The following CASC3 variants were observed in gnomAD, a reference collection of about 807,000 sequenced individuals.
CASC3 encodes CASC3 exon junction complex subunit.
A neutral mutation model predicts 80.5 loss-of-function variants in CASC3; 30 were observed. That is an observed-to-expected ratio of 0.37 (90% CI 0.28 to 0.51). CASC3 has a LOEUF of 0.51. CASC3 is among the 20% of genes least tolerant of loss of function. The probability of loss-of-function intolerance (pLI) is 0.94; values close to 1 mark genes in which losing one functional copy is unlikely to be tolerated. For missense variants in CASC3, 824 were observed against 922.2 expected, an observed-to-expected ratio of 0.89 and a Z score of 1.38; for synonymous variants, 312 against 333.6, an observed-to-expected ratio of 0.94 and a Z score of 0.70.
At chr17:40,166,000 C>T (rs1989442076) in intron 7 of CASC3, among the ~76,000 whole-genome samples, 1 of 151,904 alleles carries the variant, frequency 6.6e-6, no homozygotes. Context: ...AACTCCTGGG[C>T]TCAAGCAGTC....
At chr17:40,154,651 T>C (rs1598425280) in intron 3 of CASC3, among the ~76,000 whole-genome samples, 1 of 133,948 alleles carries the variant, frequency 7.5e-6, no homozygotes, top group Non-Finnish European at 1.5e-5. Context: ...TTGTTCACTT[T>C]CTTTATAGTG....
chr17:40,167,778 G>C, intron 9 of CASC3, 72 bp from the exon 10 acceptor site: 1 of 1,418,792 alleles, frequency 7.0e-7, no homozygotes, highest in Non-Finnish European at 1.0e-6. Flanking sequence ...CTTTTAAAGG[G>C]CTTGGGGAAC....
Position 40,171,462 on chromosome 17 carries a change from C to T in CASC3, c.*1057C>T, listed in dbSNP as rs1989592014. On this transcript the variant is annotated 3_prime_UTR_variant, in exon 14 of 14. Coordinates refer to ENST00000264645, the MANE Select transcript of CASC3 (RefSeq NM_007359.5). ...AAATATTATCCAGCAAGCAGTCTAC[C>T]CTGTCCTTTGCAATTGCTCTTCTCC... 1 of 987,368 alleles carries T rather than the reference C, an allele frequency of 1.0e-6. No homozygotes were observed. 61.2% of individuals were successfully genotyped at this position (987,368 alleles called of 1,614,324 possible).
At position 40,167,109 on chromosome 17, in the gene CASC3, G is replaced by A. The variant is rs1286227807; in HGVS notation, c.1536+248G>A. ...CCCGAGTAGCTGGCATTACAGGCACGTGCCATCATGCCCAGCTAATTTTTG... is the reference window on the plus strand; with the variant it reads ...CCCGAGTAGCTGGCATTACAGGCACATGCCATCATGCCCAGCTAATTTTTG... On this transcript the variant is annotated intron_variant, in intron 8 of 13. Coordinates refer to ENST00000264645, the MANE Select transcript of CASC3 (RefSeq NM_007359.5). 28 of 520,742 alleles carry A rather than the reference G, an allele frequency of 5.4e-5. 1 individual carries two copies. The highest frequency in any genetic ancestry group is 3.2e-4 in the South Asian group (12 of 37,026). The allele number at this position is 520,742 out of a possible 1,614,324, so 32.3% of individuals were successfully genotyped here.
rs1277076804 is a variant in CASC3, at chr17:40,164,043, A to T, written c.1348A>T (p.Thr450Ser). Residue 450 changes from threonine to serine, a missense_variant, in exon 7 of 14, where the codon ACC (threonine) becomes TCC (serine). Around this residue, in one of 3 missense-constraint regions of CASC3, gnomAD observed 464 missense variants for 506.0 expected, o/e 0.92. Transcript: ENST00000264645. Reference protein sequence around the residue: ...TTPTPPTKTGTWEAPVDSSTS... With the variant: ...TTPTPPTKTGSWEAPVDSSTS... ...CCCAACTCCACCTACTAAGACTGGG[A>T]CCTGGGAAGCTCCGGTGGATTCTAG... is the stretch of plus-strand genomic sequence containing the variant. The T allele has an allele frequency of 2.5e-6, 4 of 1,613,832 alleles. No homozygotes were observed. The highest frequency in any genetic ancestry group is 3.4e-6 in the Non-Finnish European group (4 of 1,180,028).
chr17:40,159,063 CTG>C (rs1353918346), intron 3 of CASC3, among the ~76,000 whole-genome samples: 1 of 152,064 alleles, frequency 6.6e-6, no homozygotes, highest in Non-Finnish European at 1.5e-5. Context: ...TGGTGAAACT[CTG>C]TCTCTACAAA....
At chr17:40,147,391 C>T (rs1034592093) in intron 3 of CASC3, among the ~76,000 whole-genome samples, 5 of 152,036 alleles carry the variant, frequency 3.3e-5, no homozygotes, top group Non-Finnish European at 5.9e-5. Flanking sequence ...GTAATCACAG[C>T]ATTTTGGGAG....
intron 13 of CASC3, 23 bp downstream of exon 13, chr17:40,169,685 A>G: frequency 8.1e-7 from 1 of 1,233,050 alleles, no homozygotes; most frequent in Non-Finnish European, 1.1e-6. Flanking sequence ...CTTACTGTGA[A>G]TATTGTTAAA....
chr17:40,146,655 G>T (rs1988870231), intron 3 of CASC3, among the ~76,000 whole-genome samples: 1 of 151,878 alleles, frequency 6.6e-6, no homozygotes, highest in African/African-American at 2.4e-5. Flanking sequence ...GGACAGGCTG[G>T]TCTTGAACTC....
intron 3 of CASC3, among the ~76,000 whole-genome samples, chr17:40,146,433 T>C (rs1021374914): frequency 8.7e-6 from 1 of 114,308 alleles, no homozygotes; most frequent in Admixed American, 8.0e-5. Context: ...GTACGATTTC[T>C]TTTTTTTTTT....
chr17:40,141,596 G>T lies in CASC3; in HGVS notation c.286G>T (p.Glu96Ter). The T allele has an allele frequency of 6.2e-7, 1 of 1,613,546 alleles. No homozygotes were observed. The highest frequency in any genetic ancestry group is 8.5e-7 in the Non-Finnish European group (1 of 1,179,576). ...TGTTCTCTCGGATTATGAAAGTGCA[G>T]AAGACTCGGAAGTGAGTATGACAGG... ...DAVLSDYESAEDSEGEEGEYS... is the reference protein window; with the variant it reads ...DAVLSDYESA Residue 96 changes from glutamate (E) to a stop codon, truncating the protein, a stop_gained, in exon 3 of 14, where the codon GAA (glutamate) becomes TAA (stop). Transcript: ENST00000264645. LOFTEE classifies it high-confidence loss of function.
At chr17:40,145,233 G>A (rs926020183) in intron 3 of CASC3, among the ~76,000 whole-genome samples, 2 of 151,436 alleles carry the variant, frequency 1.3e-5, no homozygotes, top group Non-Finnish European at 2.9e-5. Flanking sequence ...GTGCGGTGGT[G>A]CAATCTCGGC....
At chr17:40,162,450 T>A (rs1417334854) in intron 5 of CASC3, among the ~76,000 whole-genome samples, 1 of 147,652 alleles carries the variant, frequency 6.8e-6, no homozygotes, top group Non-Finnish European at 1.5e-5. Flanking sequence ...ATAGGTTGCC[T>A]TTTAGGAGAA....
rs200003297 is a variant in CASC3, at chr17:40,141,268, G to GT, written c.259+42dup. On this transcript the variant is annotated intron_variant, in intron 2 of 13. Coordinates refer to ENST00000264645, the MANE Select transcript of CASC3 (RefSeq NM_007359.5). ...CATCTTTTACCCCATTAGGACAAGA[G>GT]TTTTTTTTAACATAAACTCAGGTCA... 4.0e-3 allele frequency: 6,415 copies of GT among 1,594,366 alleles called. 124 individuals are homozygous for GT. In the African/African-American group the frequency reaches 0.059, roughly 15 times the overall value.
intron 3 of CASC3, among the ~76,000 whole-genome samples, chr17:40,159,576 C>G (rs1239801518): frequency 1.4e-5 from 2 of 142,800 alleles, no homozygotes; most frequent in South Asian, 2.2e-4. Context: ...GACAGGATCT[C>G]TCTCTGTTGC....
chr17:40,166,940 T>C, intron 8 of CASC3, 79 bp downstream of exon 8: 1 of 1,021,200 alleles, frequency 9.8e-7, no homozygotes, highest in South Asian at 1.6e-5. Context: ...CAAGATAAGG[T>C]CTTTTTTTTT....
rs1367458925 is a variant in CASC3, at chr17:40,163,794, G to A, written c.1099G>A (p.Asp367Asn). The change falls in exon 7 of 14, where the codon GAT becomes AAT. Residue 367 changes from aspartate to asparagine, a missense_variant. By Grantham distance (23) the Asp-to-Asn change is conservative. Coordinates refer to ENST00000264645, the MANE Select transcript of CASC3 (RefSeq NM_007359.5). ...TGTGAGGGATCCATCTCCAGAAGCA[G>A]ATGCTCCAGTGCTTGGCAGTCCTGA... ...TSVRDPSPEADAPVLGSPEKE... is the reference protein window; with the variant it reads ...TSVRDPSPEANAPVLGSPEKE... 6.2e-7 allele frequency: 1 copy of A among 1,614,182 alleles called. No individual in the cohort carries two copies. The highest frequency in any genetic ancestry group is 1.3e-5 in the African/African-American group (1 of 75,046).
At chr17:40,145,504 TAGAG>T (rs1444103972) in intron 3 of CASC3, among the ~76,000 whole-genome samples, 1 of 151,926 alleles carries the variant, frequency 6.6e-6, no homozygotes, top group Non-Finnish European at 1.5e-5. Context: ...AAAGCCCAGA[TAGAG>T]AAGATAGAGA....
rs201752876 is a variant in CASC3, at chr17:40,167,855, T to C, written c.1657T>C (p.Phe553Leu). Residue 553 changes from phenylalanine (F) to leucine (L), a missense_variant, in exon 10 of 14, where the codon TTC becomes CTC. Transcript: ENST00000264645. ...CCCAATGTGATATCTTACAGTGCAG[T>C]TCCAGGGACCAATCTATACCCATGG... ...MEGHYYDPLQ[F>L]QGPIYTHGDS... 13 of 1,613,744 alleles carry C rather than the reference T, an allele frequency of 8.1e-6. No individual in the cohort carries two copies. The highest frequency in any genetic ancestry group is 2.5e-6 in the Non-Finnish European group (3 of 1,179,630).
Sources: allele counts gnomAD v4.1 joint callset (sites outside exome capture counted in the v4.1 genomes callset), GRCh38; gene constraint gnomAD v4.1.1; regional missense constraint gnomAD v4.1.1; transcripts MANE v1.5; gene names NCBI Gene and HGNC (gene_info 2026-07-23, HGNC 2026-07-21).